Variants in LETMD1 observed in about 807,000 individuals in gnomAD.
The protein encoded by LETMD1 is LETM1 domain containing 1, also known as LETM1 domain-containing protein 1.
Under a neutral mutation model 43.9 loss-of-function variants are expected in LETMD1, and 30 were observed. The ratio of observed to expected loss-of-function variants is 0.68; its 90% CI spans 0.51 to 0.93. LETMD1 has a LOEUF of 0.93. Among genes scored for constraint, LETMD1 ranks in the 40% least tolerant of loss-of-function variants. LETMD1 has a pLI of 0.00. For synonymous variants in LETMD1, 176 were observed against 163.1 expected, an observed-to-expected ratio of 1.08 and a Z score of -0.60; for missense variants, 413 against 447.7, an observed-to-expected ratio of 0.92 and a Z score of 0.70.
downstream of LETMD1, chr12:51,064,257 C>T (rs755785111): frequency 6.2e-7 from 1 of 1,612,860 alleles, no homozygotes; most frequent in African/African-American, 1.3e-5. Context: ...GGCTGTAAGG[C>T]CTGGGCACAG....
At chr12:51,049,615 T>C (rs1945393327) in intron 2 of LETMD1, among the ~76,000 whole-genome samples, 1 of 152,230 alleles carries the variant, frequency 6.6e-6, no homozygotes, top group Admixed American at 6.5e-5. Context: ...CCCTACATAA[T>C]ACTTGGTTTC....
chr12:51,064,031 C>G, downstream of LETMD1: 2 of 1,614,232 alleles, frequency 1.2e-6, no homozygotes, highest in Middle Eastern at 3.3e-4. Context: ...AGAAGACATT[C>G]AGATCCTTCT....
Position 51,060,062 on chromosome 12 carries a change from A to C in LETMD1, c.*631A>C, listed in dbSNP as rs1052699532. 6.5e-6 allele frequency: 1 copy of C among 153,066 alleles called. No individual in the cohort carries two copies. The highest frequency in any genetic ancestry group is 1.5e-5 in the Non-Finnish European group (1 of 68,368). 9.5% of individuals were successfully genotyped at this position (153,066 alleles called of 1,614,324 possible). ...TTGCAGGAATATTCTATTGGAAAAG[A>C]TAACAGGAAGTACAAGTGCTTCTTG... On this transcript the variant is annotated 3_prime_UTR_variant, in exon 9 of 9. Transcript: ENST00000262055.
chr12:51,061,674 A>G (rs970157151), downstream of LETMD1: 2 of 152,452 alleles, frequency 1.3e-5, no homozygotes, highest in South Asian at 4.1e-4. Flanking sequence ...TCAGAAACAT[A>G]TCTTGTGGGT....
At chr12:51,048,248 G>T (rs748799996), upstream of LETMD1, 18 of 1,461,292 alleles carry the variant, frequency 1.2e-5, no homozygotes, top group Non-Finnish European at 3.8e-6. Flanking sequence ...GCAGGCTATG[G>T]CTACCAATCA....
At chr12:51,048,317 C>G (rs1380399858), upstream of LETMD1, 2 of 1,613,630 alleles carry the variant, frequency 1.2e-6, no homozygotes, top group African/African-American at 2.7e-5. Context: ...AACTTTGACC[C>G]AAAGACAACC....
At chr12:51,068,044 C>T in the LETMD1 span, 2 of 1,417,350 alleles carry the variant, frequency 1.4e-6, no homozygotes, top group Admixed American at 1.8e-5. Flanking sequence ...CCCAGAGCAG[C>T]ACTGTCCCTT....
intron 2 of LETMD1, 186 bp downstream of exon 2, chr12:51,049,371 GATGTT>G (rs1292487147): frequency 3.7e-6 from 2 of 547,864 alleles, no homozygotes; most frequent in Non-Finnish European, 6.4e-6. Flanking sequence ...TTTCTAGAAA[GATGTT>G]ATGAGAAACA....
chr12:51,061,150 C>A (rs1948815899), downstream of LETMD1: 1 of 152,096 alleles, frequency 6.6e-6, no homozygotes, highest in Non-Finnish European at 1.5e-5. Flanking sequence ...GAGAAGCATC[C>A]TTTTTCTAAC....
chr12:51,059,551 G>A lies in LETMD1; in HGVS notation c.*120G>A. On this transcript the variant is annotated 3_prime_UTR_variant, in exon 9 of 9. Transcript: ENST00000262055. Reference sequence around the variant, plus strand: ...AAGTGTGTGGGAGGCAGAGAGAGGAGCAGGGGCCATGGGCTTCACAGCATG... The same window carrying A: ...AAGTGTGTGGGAGGCAGAGAGAGGAACAGGGGCCATGGGCTTCACAGCATG... 2 of 865,718 alleles carry A rather than the reference G, an allele frequency of 2.3e-6. No individual in the cohort carries two copies. The highest frequency in any genetic ancestry group is 3.8e-6 in the Non-Finnish European group (2 of 520,208). 53.6% of individuals were successfully genotyped at this position (865,718 alleles called of 1,614,324 possible).
chr12:51,061,169 G>C (rs11169691), downstream of LETMD1: 31,599 of 152,130 alleles, frequency 0.21, 4,182 homozygotes, highest in East Asian at 0.69. Flanking sequence ...ACAAGTAACT[G>C]AACTGTGGCC....
chr12:51,051,946 GAGTTTCA>G, intron 2 of LETMD1, 139 bp from the exon 3 acceptor site: 3 of 601,928 alleles, frequency 5.0e-6, no homozygotes, highest in Non-Finnish European at 8.4e-6. Flanking sequence ...TTGACCTCAG[GAGTTTCA>G]AGTTACCTAG....
chr12:51,052,323 C>A, intron 3 of LETMD1, 116 bp downstream of exon 3: 1 of 1,249,366 alleles, frequency 8.0e-7, no homozygotes. Flanking sequence ...TTGCCCTTTG[C>A]CGTGAGAACA....
the LETMD1 span, among the ~76,000 whole-genome samples, chr12:51,066,526 A>G: frequency 6.6e-6 from 1 of 151,416 alleles, no homozygotes; most frequent in African/African-American, 2.4e-5. Context: ...CTGTAATCCC[A>G]GCTACTTGGG....
chr12:51,064,455 G>A (rs200011790), downstream of LETMD1: 60 of 1,610,384 alleles, frequency 3.7e-5, 1 homozygote, highest in Admixed American at 9.9e-4. Context: ...CTGGGTCTCA[G>A]AGCCCTGTGC....
In LETMD1 at chr12:51,055,983, G is replaced by A; in HGVS notation, c.622G>A (p.Ala208Thr). The change falls in exon 5 of 9, where the codon GCA (alanine) becomes ACA (threonine). Residue 208 changes from alanine to threonine, a missense_variant. Ala to Thr is a moderately conservative substitution (Grantham distance 58). Transcript: ENST00000262055. ...LEKVIPLISD[A>T]GLRWRLTDLC... ...AAAGGTCATCCCTCTCATTTCTGAT[G>A]CAGGACTCCGGTGGCGTCTGACAGA... The A allele has an allele frequency of 6.2e-7, 1 of 1,614,132 alleles. No individual in the cohort carries two copies. Among genetic ancestry groups the A allele is most frequent in the Non-Finnish European group, 8.5e-7 (1 of 1,180,008 alleles).
At chr12:51,064,978 C>G (rs1421331888), downstream of LETMD1, among the ~76,000 whole-genome samples, 1 of 152,106 alleles carries the variant, frequency 6.6e-6, no homozygotes, top group Non-Finnish European at 1.5e-5. Flanking sequence ...AGGGTCCTTC[C>G]AGTTAAGAGT....
downstream of LETMD1, chr12:51,063,820 T>C: frequency 1.2e-6 from 2 of 1,611,892 alleles, no homozygotes; most frequent in Non-Finnish European, 1.7e-6. Context: ...GTCTTCACCA[T>C]CCCACAGCCC....
At chr12:51,065,603 G>A in the LETMD1 span, among the ~76,000 whole-genome samples, 1 of 151,980 alleles carries the variant, frequency 6.6e-6, no homozygotes, top group South Asian at 2.1e-4. Context: ...GATTACAGGT[G>A]TGAGCCACCG....
Sources: allele counts gnomAD v4.1 joint callset (sites outside exome capture counted in the v4.1 genomes callset), GRCh38; gene constraint gnomAD v4.1.1; transcripts MANE v1.5; gene names NCBI Gene and HGNC (gene_info 2026-07-23, HGNC 2026-07-21).